RAB6B: variants seen among roughly 807,000 people sequenced by gnomAD.
The protein encoded by RAB6B is RAB6B, member RAS oncogene family, also known as ras-related protein Rab-6B.
RAB6B carries 7 observed loss-of-function variants against 31.2 expected under a neutral mutation model. The observed-to-expected ratio is 0.22, with a 90% CI of 0.13 to 0.42. RAB6B has a LOEUF of 0.42. Ranked by LOEUF, RAB6B falls within the 10% of genes least tolerant of loss-of-function variation. The probability of loss-of-function intolerance (pLI) is 1.00; values close to 1 mark genes in which losing one functional copy is unlikely to be tolerated. For synonymous variants in RAB6B, 105 were observed against 104.9 expected, an observed-to-expected ratio of 1.00 and a Z score of -0.01; for missense variants, 149 against 280.6, an observed-to-expected ratio of 0.53 and a Z score of 3.35.
Position 133,825,955 on chromosome 3 carries a change from C to T in RAB6B, c.*2833G>A, listed in dbSNP as rs900276503. On this transcript the variant is annotated 3_prime_UTR_variant, in exon 8 of 8. Coordinates refer to ENST00000285208, the MANE Select transcript of RAB6B (RefSeq NM_016577.4). ...TGCTGAGGCAATGCCATGACATCTT[C>T]TTCAAGAGCACCTAACAGTTTATTA... is the stretch of plus-strand genomic sequence containing the variant. The T allele has an allele frequency of 5.3e-5, 8 of 152,344 alleles. No individual in the cohort carries two copies. The South Asian group carries it at 1.7e-3, about 32-fold the overall frequency. 9.4% of individuals were successfully genotyped at this position (152,344 alleles called of 1,614,324 possible). A position where few individuals can be genotyped will look rare whatever the true frequency, so the allele number is the denominator to read the frequency against.
intron 1 of RAB6B, among the ~76,000 whole-genome samples, chr3:133,872,092 C>A (rs1281556938): frequency 6.6e-6 from 1 of 152,218 alleles, no homozygotes; most frequent in Non-Finnish European, 1.5e-5. Context: ...GGAAAAGAAT[C>A]TCTGCATCCC....
chr3:133,850,303 A>C (rs766321900), intron 2 of RAB6B, among the ~76,000 whole-genome samples: 15 of 152,220 alleles, frequency 9.9e-5, no homozygotes, highest in South Asian at 2.1e-4. Flanking sequence ...TGTATAACCC[A>C]AAATTACTAG....
chr3:133,866,001 T>C (rs1428842949), intron 1 of RAB6B, among the ~76,000 whole-genome samples: 6 of 152,330 alleles, frequency 3.9e-5, no homozygotes, highest in African/African-American at 1.4e-4. Flanking sequence ...GGGGTACTTT[T>C]CAGCTGTGTC....
In RAB6B at chr3:133,857,813, C is replaced by T. The variant is rs146798554; in HGVS notation, c.129+6771G>A. ...AGCATTTCTAGACAGAAACCTGGGGCGCATTCAGGCCTCTTCCTCTTCTCT... is the reference window on the plus strand; with the variant it reads ...AGCATTTCTAGACAGAAACCTGGGGTGCATTCAGGCCTCTTCCTCTTCTCT... On this transcript the variant is annotated intron_variant, in intron 2 of 7. Coordinates refer to ENST00000285208, the MANE Select transcript of RAB6B (RefSeq NM_016577.4). Among the ~76,000 whole-genome samples the T allele has an allele frequency of 5.3e-5, 8 of 152,264 alleles. No individual in the cohort carries two copies. In the East Asian group the frequency reaches 1.2e-3, roughly 22 times the overall value.
At chr3:133,836,054 T>A (rs571813719) in intron 6 of RAB6B, among the ~76,000 whole-genome samples, 1 of 152,326 alleles carries the variant, frequency 6.6e-6, no homozygotes, top group Non-Finnish European at 1.5e-5. Flanking sequence ...CTCCACTGCA[T>A]GAGCTCTCTG....
chr3:133,871,064 A>G (rs779252256), intron 1 of RAB6B, among the ~76,000 whole-genome samples: 9 of 152,342 alleles, frequency 5.9e-5, no homozygotes, highest in Non-Finnish European at 1.2e-4. Context: ...ATTCTTGTAC[A>G]TTCTGGTGGT....
At chr3:133,888,098 G>A (rs1011500694) in intron 1 of RAB6B, among the ~76,000 whole-genome samples, 3 of 152,222 alleles carry the variant, frequency 2.0e-5, no homozygotes, top group African/African-American at 4.8e-5. Context: ...GAAGACCTCA[G>A]TGTTCTTCTG....
rs887330360 is a variant in RAB6B, at chr3:133,827,746, A to C, written c.*1042T>G. The C allele has an allele frequency of 0.017, 1,231 of 72,896 alleles. No homozygotes were observed. Among genetic ancestry groups the C allele is most frequent in the Admixed American group, 0.024 (117 of 4,796 alleles). The allele number at this position is 72,896 out of a possible 1,614,324, so 4.5% of individuals were successfully genotyped here. On this transcript the variant is annotated 3_prime_UTR_variant, in exon 8 of 8. Coordinates refer to ENST00000285208, the MANE Select transcript of RAB6B (RefSeq NM_016577.4). ...TCAAGGTGGTGGTTCTGCAGACAAC[A>C]CCCCCCCCCCCCCCCGCCTCCCCAT... is the stretch of plus-strand genomic sequence containing the variant.
In RAB6B at chr3:133,839,492, G is replaced by A. The variant is rs543386119; in HGVS notation, c.401+14C>T. Reference sequence around the variant, plus strand: ...GGAGGGTGGCACCCTGCACCTGTGTGCCCTTGCACCTACCTCTTATCAGCC... The same window carrying A: ...GGAGGGTGGCACCCTGCACCTGTGTACCCTTGCACCTACCTCTTATCAGCC... On this transcript the variant is annotated intron_variant, in intron 5 of 7. Transcript: ENST00000285208. 11 of 1,597,056 alleles carry A rather than the reference G, an allele frequency of 6.9e-6. No individual in the cohort carries two copies. In the East Asian group the frequency reaches 2.2e-4, roughly 32 times the overall value.
At chr3:133,894,110 G>C (rs1011752939) in intron 1 of RAB6B, among the ~76,000 whole-genome samples, 1 of 152,220 alleles carries the variant, frequency 6.6e-6, no homozygotes, top group African/African-American at 2.4e-5. Context: ...CAGTAGCACT[G>C]TTCCTGGGCC....
chr3:133,889,842 A>G (rs1258585812), intron 1 of RAB6B, among the ~76,000 whole-genome samples: 3 of 152,222 alleles, frequency 2.0e-5, no homozygotes, highest in Non-Finnish European at 4.4e-5. Context: ...TATTACATCT[A>G]CGCAGCCAGA....
At chr3:133,837,054 C>T (rs545057521) in intron 6 of RAB6B, among the ~76,000 whole-genome samples, 1 of 152,240 alleles carries the variant, frequency 6.6e-6, no homozygotes, top group East Asian at 1.9e-4. Context: ...AGGCCAACCA[C>T]ACTCCTCACC....
Position 133,824,278 on chromosome 3 carries a change from T to TGAG in RAB6B, c.*4507_*4509dup, listed in dbSNP as rs1935520508. On this transcript the variant is annotated 3_prime_UTR_variant, in exon 8 of 8. Transcript: ENST00000285208. ...ACAGTTTATTGTTTGACCAACATGC[T>TGAG]GAGTCTTTTCCACATTTTACACAGT... 1 of 152,232 alleles carries TGAG rather than the reference T, an allele frequency of 6.6e-6. No homozygotes were observed. The highest frequency in any genetic ancestry group is 1.5e-5 in the Non-Finnish European group (1 of 68,050). The allele number at this position is 152,232 out of a possible 1,614,324, so 9.4% of individuals were successfully genotyped here.
At chr3:133,848,434 TA>T (rs1358037378) in intron 2 of RAB6B, among the ~76,000 whole-genome samples, 1 of 152,236 alleles carries the variant, frequency 6.6e-6, no homozygotes, top group Non-Finnish European at 1.5e-5. Context: ...CCACTGTAAT[TA>T]ATCTTTCATG....
intron 1 of RAB6B, chr3:133,894,858 G>A (rs898617143): frequency 3.9e-5 from 6 of 153,942 alleles, no homozygotes; most frequent in African/African-American, 1.4e-4. Flanking sequence ...TCTCCCCGGT[G>A]GCTGTTTGTC....
intron 2 of RAB6B, 43 bp downstream of exon 2, chr3:133,864,541 G>A (rs1330786043): frequency 6.3e-7 from 1 of 1,588,440 alleles, no homozygotes; most frequent in Non-Finnish European, 8.6e-7. Flanking sequence ...AGAGAGGTCA[G>A]CCACTGCCAG....
At chr3:133,882,889 A>G (rs899851885) in intron 1 of RAB6B, among the ~76,000 whole-genome samples, 3 of 152,186 alleles carry the variant, frequency 2.0e-5, no homozygotes, top group Admixed American at 6.5e-5. Context: ...GTTCACTTCT[A>G]ATCTGGGCAG....
rs142346037 is a variant in RAB6B at position 133,835,456 on chromosome 3, C to T, written c.496-815G>A. Among the ~76,000 whole-genome samples the T allele has an allele frequency of 2.1e-3, 298 of 144,894 alleles. 3 individuals are homozygous for T. The highest frequency in any genetic ancestry group is 7.4e-3 in the African/African-American group (280 of 38,004). The stretch of plus-strand genomic sequence containing the variant: ...GTGTCCTTGGTAAGGTGTGTGTCTG[C>T]GTACATGTGGGTTTTCTGTGTGTGT... On this transcript the variant is annotated intron_variant, in intron 6 of 7. Coordinates refer to ENST00000285208, the MANE Select transcript of RAB6B (RefSeq NM_016577.4).
chr3:133,892,905 C>T (rs1936656313), intron 1 of RAB6B, among the ~76,000 whole-genome samples: 1 of 152,222 alleles, frequency 6.6e-6, no homozygotes, highest in Admixed American at 6.5e-5. Flanking sequence ...AGGTGACTCC[C>T]CATCCCATAA....
Sources: gnomAD v4.1 joint callset for allele counts (sites outside exome capture counted in the v4.1 genomes callset) on GRCh38, gnomAD v4.1.1 for gene constraint, MANE v1.5 for transcripts, NCBI Gene and HGNC (gene_info 2026-07-23, HGNC 2026-07-21) for gene names.